NGF: variants seen among roughly 807,000 people sequenced by gnomAD.
The protein encoded by NGF is beta-nerve growth factor.
In NGF, 4 loss-of-function variants were observed where a neutral mutation model predicts 12.8. The ratio of observed to expected loss-of-function variants is 0.31; its 90% CI spans 0.15 to 0.72. The LOEUF (loss-of-function observed/expected upper bound fraction) is 0.72, where lower values mean the gene tolerates loss of function less well. NGF is among the 30% of genes least tolerant of loss of function. The pLI, the probability that NGF is intolerant of heterozygous loss-of-function variation, is 0.69. For missense variants in NGF, 283 were observed against 330.8 expected, an observed-to-expected ratio of 0.86 and a Z score of 1.12; for synonymous variants, 140 against 130.0, an observed-to-expected ratio of 1.08 and a Z score of -0.52.
chr1:115,304,771 C>T (rs10858072), intron 1 of NGF, among the ~76,000 whole-genome samples: 21,999 of 152,116 alleles, frequency 0.14, 1,886 homozygotes, highest in East Asian at 0.31. Context: ...GAGTTAAAGG[C>T]CAGGCCCTGA....
intron 1 of NGF, among the ~76,000 whole-genome samples, chr1:115,319,918 T>C (rs542179622): frequency 1.3e-5 from 2 of 152,258 alleles, no homozygotes; most frequent in South Asian, 2.1e-4. Context: ...GGGTGGTTGA[T>C]AAATATCATT....
intron 1 of NGF, among the ~76,000 whole-genome samples, chr1:115,325,097 GT>G (rs1654737373): frequency 6.6e-6 from 1 of 152,164 alleles, no homozygotes. Flanking sequence ...TGATCAAGAG[GT>G]GATAGCAGAC....
At position 115,286,444 on chromosome 1, in the gene NGF, T is replaced by C; in HGVS notation, c.352A>G (p.Arg118Gly). 1 of 1,613,660 alleles carries C rather than the reference T, an allele frequency of 6.2e-7. No homozygotes were observed. The highest frequency in any genetic ancestry group is 8.5e-7 in the Non-Finnish European group (1 of 1,179,882). The change falls in exon 3 of 3, where the codon AGG (arginine) becomes GGG (glycine). Residue 118 changes from arginine (R) to glycine (G), a missense_variant. Transcript: ENST00000369512. Reference protein sequence around the residue: ...GGAAPFNRTHRSKRSSSHPIF... With the variant: ...GGAAPFNRTHGSKRSSSHPIF... Reference sequence around the variant, plus strand: ...GGATGGGATGATGACCGCTTGCTCCTGTGAGTCCTGTTGAAGGGGGCAGCA... The same window carrying C: ...GGATGGGATGATGACCGCTTGCTCCCGTGAGTCCTGTTGAAGGGGGCAGCA...
At chr1:115,318,998 A>G (rs116189909) in intron 1 of NGF, among the ~76,000 whole-genome samples, 4,693 of 152,288 alleles carry the variant, frequency 0.031, 117 homozygotes, top group East Asian at 0.051. Flanking sequence ...CCCCAGATTC[A>G]AACTCTGTAT....
chr1:115,319,904 G>T (rs937403502), intron 1 of NGF, among the ~76,000 whole-genome samples: 4 of 152,172 alleles, frequency 2.6e-5, no homozygotes, highest in Admixed American at 6.5e-5. Flanking sequence ...CACTGGGCAG[G>T]CGTGGGTGGT....
chr1:115,337,261 GTTTTTGTTTTTTTTTTTTTT>G (rs1655140997), intron 1 of NGF, among the ~76,000 whole-genome samples: 1 of 11,758 alleles, frequency 8.5e-5, no homozygotes, highest in Non-Finnish European at 1.9e-4. Flanking sequence ...TTTTTGTTTT[GTTTTTGTTTTTTTTTTTTTT>G]TTTTTTTTTT....
intron 1 of NGF, among the ~76,000 whole-genome samples, chr1:115,323,999 G>A (rs754197098): frequency 1.3e-5 from 2 of 152,090 alleles, no homozygotes; most frequent in Non-Finnish European, 2.9e-5. Flanking sequence ...CTGGAATCCC[G>A]GGACCTTGGA....
chr1:115,298,489 T>C (rs11102920), intron 1 of NGF, among the ~76,000 whole-genome samples: 35,596 of 151,808 alleles, frequency 0.23, 4,954 homozygotes, highest in African/African-American at 0.39. Context: ...ATCATTCTTA[T>C]ACCCTCAACA....
intron 1 of NGF, among the ~76,000 whole-genome samples, chr1:115,299,473 C>T (rs555982828): frequency 1.2e-4 from 19 of 152,130 alleles, no homozygotes; most frequent in Non-Finnish European, 2.2e-4. Flanking sequence ...TGCATGTTCA[C>T]CTGACTGGAG....
chr1:115,315,370 T>C (rs1174106995), intron 1 of NGF, among the ~76,000 whole-genome samples: 1 of 152,126 alleles, frequency 6.6e-6, no homozygotes, highest in Non-Finnish European at 1.5e-5. Flanking sequence ...CATGGCAATG[T>C]AGCAGAGGTG....
chr1:115,331,693 T>A (rs1372071424), intron 1 of NGF, among the ~76,000 whole-genome samples: 2 of 152,246 alleles, frequency 1.3e-5, no homozygotes. Context: ...CCCTTAACAA[T>A]GAGGCATAGC....
intron 1 of NGF, among the ~76,000 whole-genome samples, chr1:115,296,761 G>T (rs889680162): frequency 6.6e-6 from 1 of 152,182 alleles, no homozygotes; most frequent in Non-Finnish European, 1.5e-5. Context: ...AGATATTGTT[G>T]TCATTGTTTT....
chr1:115,327,885 C>T (rs1409782890), intron 1 of NGF, among the ~76,000 whole-genome samples: 1 of 152,086 alleles, frequency 6.6e-6, no homozygotes, highest in East Asian at 1.9e-4. Flanking sequence ...TTGAAATGGA[C>T]AACTGGCTTG....
intron 1 of NGF, among the ~76,000 whole-genome samples, chr1:115,334,433 C>A (rs1571101872): frequency 6.6e-6 from 1 of 152,290 alleles, no homozygotes; most frequent in East Asian, 1.9e-4. Context: ...CTTCACCTTA[C>A]TCTTTCTGAT....
At chr1:115,314,887 C>G (rs192265428) in intron 1 of NGF, among the ~76,000 whole-genome samples, 3 of 152,264 alleles carry the variant, frequency 2.0e-5, no homozygotes, top group Admixed American at 2.0e-4. Flanking sequence ...AAATAAAGCA[C>G]AGTAAGTGTT....
intron 1 of NGF, among the ~76,000 whole-genome samples, chr1:115,337,717 G>T (rs1024448636): frequency 2.0e-5 from 3 of 152,194 alleles, no homozygotes; most frequent in South Asian, 4.2e-4. Flanking sequence ...CTACCTGGGG[G>T]CCGCGCAGCA....
intron 1 of NGF, among the ~76,000 whole-genome samples, chr1:115,324,535 C>G (rs891029813): frequency 6.6e-6 from 1 of 152,136 alleles, no homozygotes; most frequent in South Asian, 2.1e-4. Context: ...CCCTGCTTCT[C>G]TCCTACTCAC....
At chr1:115,328,974 C>T (rs1301308209) in intron 1 of NGF, among the ~76,000 whole-genome samples, 1 of 151,974 alleles carries the variant, frequency 6.6e-6, no homozygotes, top group African/African-American at 2.4e-5. Flanking sequence ...AAAAGCAAAC[C>T]TTAGGGATAA....
chr1:115,314,330 C>T (rs1654415065), intron 1 of NGF, among the ~76,000 whole-genome samples: 5 of 152,204 alleles, frequency 3.3e-5, no homozygotes, highest in Admixed American at 3.3e-4. Context: ...ACAGCTCTGA[C>T]TGGGATTGCA....
Sources: gnomAD v4.1 joint callset for allele counts (sites outside exome capture counted in the v4.1 genomes callset) on GRCh38, gnomAD v4.1.1 for gene constraint, MANE v1.5 for transcripts, NCBI Gene and HGNC (gene_info 2026-07-23, HGNC 2026-07-21) for gene names.